Variants in KCNA1 observed in about 807,000 individuals in gnomAD.
KCNA1 encodes the protein potassium channel, voltage gated shaker related subfamily A, member 1.
A neutral mutation model predicts 28.8 loss-of-function variants in KCNA1; 19 were observed. The observed-to-expected ratio is 0.66, with a 90% CI of 0.46 to 0.97. The LOEUF is 0.97. Among genes scored for constraint, KCNA1 ranks in the 50% least tolerant of loss-of-function variants. The probability of loss-of-function intolerance (pLI) is 0.00; values close to 1 mark genes in which losing one functional copy is unlikely to be tolerated. For missense variants in KCNA1, 419 were observed against 659.7 expected (o/e 0.64, Z 4.00); for synonymous variants, 311 against 268.8 (o/e 1.16, Z -1.53).
chr12:4,910,966 T>G lies in KCNA1; in HGVS notation c.-413T>G. 1 of 239,524 alleles carries G rather than the reference T, an allele frequency of 4.2e-6. No individual in the cohort carries two copies. Among genetic ancestry groups the G allele is most frequent in the Non-Finnish European group, 8.2e-6 (1 of 121,700 alleles). 14.8% of individuals were successfully genotyped at this position (239,524 alleles called of 1,614,324 possible). On this transcript the variant is annotated 5_prime_UTR_variant, in exon 2 of 2. Coordinates refer to ENST00000382545, the MANE Select transcript of KCNA1 (RefSeq NM_000217.3). This position sits in a 1 kb window ranked among gnomAD's most constrained non-coding sequence, Gnocchi z 4.9. The stretch of plus-strand genomic sequence containing the variant: ...TCTGCCGAGCCGGCACTGCACCGGG[T>G]CCTAGGAAGGCTCTCGGAGGGGAGG...
rs1318357690 is a variant in KCNA1, at chr12:4,911,972, C to T, written c.594C>T (p.Phe198=). 1.2e-6 allele frequency: 2 copies of T among 1,614,106 alleles called. No individual in the cohort carries two copies. The highest frequency in any genetic ancestry group is 4.5e-5 in the East Asian group (2 of 44,852). Reference sequence around the variant, plus strand: ...CCGAGCTGAAGGATGACAAGGACTTCACGGGCACCGTCCACCGCATCGACA... The same window carrying T: ...CCGAGCTGAAGGATGACAAGGACTTTACGGGCACCGTCCACCGCATCGACA... The part of the protein sequence containing the change: ...TLPELKDDKD[F]TGTVHRIDNT... Residue 198 remains phenylalanine, a synonymous_variant, in exon 2 of 2, where the codon TTC becomes TTT. Coordinates refer to ENST00000382545, the MANE Select transcript of KCNA1 (RefSeq NM_000217.3). This position sits in a 1 kb window ranked among gnomAD's most constrained non-coding sequence, Gnocchi z 6.6.
rs935779883 is a variant in KCNA1 at position 4,911,195 on chromosome 12, G to A, written c.-184G>A. The A allele has an allele frequency of 6.6e-6, 4 of 607,534 alleles. No individual in the cohort carries two copies. In the African/African-American group the frequency reaches 7.4e-5, roughly 11 times the overall value. 37.6% of individuals were successfully genotyped at this position (607,534 alleles called of 1,614,324 possible). A position where few individuals can be genotyped will look rare whatever the true frequency, so the allele number is the denominator to read the frequency against. Reference sequence around the variant, plus strand: ...ACTGAGTGAAAGGCAGGGTGGAGGGGAAGGCAGCGAGAGGCAAAGTCGCAG... The same window carrying A: ...ACTGAGTGAAAGGCAGGGTGGAGGGAAAGGCAGCGAGAGGCAAAGTCGCAG... On this transcript the variant is annotated 5_prime_UTR_variant, in exon 2 of 2. Transcript: ENST00000382545. The surrounding 1 kb of genome is among the most constrained non-coding windows in gnomAD (Gnocchi z 6.6).
Position 4,912,923 on chromosome 12 carries a change from A to C in KCNA1, c.*57A>C. On this transcript the variant is annotated 3_prime_UTR_variant, in exon 2 of 2. Transcript: ENST00000382545. Reference sequence around the variant, plus strand: ...CTTAGCAGCTCAAAAGACTTAAAAAACAAAACAGAAAACCTAGTGACTCAT... The same window carrying C: ...CTTAGCAGCTCAAAAGACTTAAAAACCAAAACAGAAAACCTAGTGACTCAT... The C allele has an allele frequency of 8.2e-7, 1 of 1,215,608 alleles. No homozygotes were observed. The highest frequency in any genetic ancestry group is 1.2e-5 in the South Asian group (1 of 82,610). 75.3% of individuals were successfully genotyped at this position (1,215,608 alleles called of 1,614,324 possible).
At position 4,914,696 on chromosome 12, in the gene KCNA1, G is replaced by A. The variant is rs1019570055; in HGVS notation, c.*1830G>A. 8 of 167,120 alleles carry A rather than the reference G, an allele frequency of 4.8e-5. No individual in the cohort carries two copies. The highest frequency in any genetic ancestry group is 1.9e-4 in the African/African-American group (8 of 41,442). The allele number at this position is 167,120 out of a possible 1,614,324, so 10.4% of individuals were successfully genotyped here. Reference sequence around the variant, plus strand: ...ACACCACCCTAAACCCTGGAGAGGAGAGACCCAGGAGGGTGCTGTCTCTCT... The same window carrying A: ...ACACCACCCTAAACCCTGGAGAGGAAAGACCCAGGAGGGTGCTGTCTCTCT... On this transcript the variant is annotated 3_prime_UTR_variant, in exon 2 of 2. Transcript: ENST00000382545.
In KCNA1 at chr12:4,912,674, C is replaced by A; in HGVS notation, c.1296C>A (p.Ser432=). 1 of 1,612,308 alleles carries A rather than the reference C, an allele frequency of 6.2e-7. No individual in the cohort carries two copies. Among genetic ancestry groups the A allele is most frequent in the Non-Finnish European group, 8.5e-7 (1 of 1,179,854 alleles). Residue 432 remains serine, a synonymous_variant, in exon 2 of 2, where the codon TCC becomes TCA. Coordinates refer to ENST00000382545, the MANE Select transcript of KCNA1 (RefSeq NM_000217.3). ...AGGCTCAGTTGCTCCACGTCAGTTC[C>A]CCTAACTTAGCCTCTGACAGTGACC... is the stretch of plus-strand genomic sequence containing the variant. ...EEQAQLLHVS[S]PNLASDSDLS... is the part of the protein sequence containing the mutation.
At position 4,911,660 on chromosome 12, in the gene KCNA1, C is replaced by T; in HGVS notation, c.282C>T (p.Tyr94=). 6.2e-7 allele frequency: 1 copy of T among 1,614,210 alleles called. No homozygotes were observed. The highest frequency in any genetic ancestry group is 8.5e-7 in the Non-Finnish European group (1 of 1,180,054). Residue 94 remains tyrosine (Y), a synonymous_variant, in exon 2 of 2, where the codon TAC becomes TAT. Coordinates refer to ENST00000382545, the MANE Select transcript of KCNA1 (RefSeq NM_000217.3). This position sits in a 1 kb window ranked among gnomAD's most constrained non-coding sequence, Gnocchi z 6.6. The part of the protein sequence containing the change: ...RNRPSFDAIL[Y]YYQSGGRLRR... ...GGCCCAGCTTCGACGCCATCCTCTA[C>T]TACTACCAGTCCGGCGGCCGCCTGC...
In KCNA1 at chr12:4,912,625, A is replaced by T; in HGVS notation, c.1247A>T (p.His416Leu). The T allele has an allele frequency of 6.2e-7, 1 of 1,613,626 alleles. No homozygotes were observed. ...GTGTCCAATTTCAACTATTTCTACC[A>T]CCGAGAAACTGAGGGGGAAGAGCAG... is the stretch of plus-strand genomic sequence containing the variant. ...VIVSNFNYFY[H>L]RETEGEEQAQ... Residue 416 changes from histidine to leucine, a missense_variant, in exon 2 of 2, where the codon CAC becomes CTC. Coordinates refer to ENST00000382545, the MANE Select transcript of KCNA1 (RefSeq NM_000217.3).
rs759584837 is a variant in KCNA1, at chr12:4,912,515, C to T, written c.1137C>T (p.Tyr379=). 5 of 1,613,610 alleles carry T rather than the reference C, an allele frequency of 3.1e-6. No homozygotes were observed. In the East Asian group the frequency reaches 8.9e-5, roughly 29 times the overall value. ...CCACTGTAGGATACGGTGACATGTA[C>T]CCTGTGACAATTGGAGGCAAGATCG... ...SMTTVGYGDM[Y]PVTIGGKIVG... The change falls in exon 2 of 2, where the codon TAC becomes TAT. Residue 379 remains tyrosine, a synonymous_variant. Coordinates refer to ENST00000382545, the MANE Select transcript of KCNA1 (RefSeq NM_000217.3).
In KCNA1 at chr12:4,911,435, C is replaced by G. The variant is rs1947350782; in HGVS notation, c.57C>G (p.Pro19=). The G allele has an allele frequency of 3.7e-6, 6 of 1,613,682 alleles. No homozygotes were observed. Among genetic ancestry groups the G allele is most frequent in the Non-Finnish European group, 5.1e-6 (6 of 1,179,896 alleles). Residue 19 remains proline (P), a synonymous_variant, in exon 2 of 2, where the codon CCC becomes CCG. Transcript: ENST00000382545. The surrounding 1 kb of genome is among the most constrained non-coding windows in gnomAD (Gnocchi z 6.6). ...AGGCTTCGGCCGCCCCGGGCCACCC[C>G]CAGGATGGCAGCTACCCCCGGCAGG... The part of the protein sequence containing the change: ...VDEASAAPGH[P]QDGSYPRQAD...
rs770664473 is a variant in KCNA1 at position 4,914,370 on chromosome 12, G to A, written c.*1504G>A. The A allele has an allele frequency of 1.4e-4, 24 of 167,028 alleles. No individual in the cohort carries two copies. The highest frequency in any genetic ancestry group is 2.2e-4 in the Non-Finnish European group (15 of 68,116). 10.3% of individuals were successfully genotyped at this position (167,028 alleles called of 1,614,324 possible). On this transcript the variant is annotated 3_prime_UTR_variant, in exon 2 of 2. Transcript: ENST00000382545. ...ATGTTTTTTGGTGCATTCTTAGGAT[G>A]TAAATGAAAATGTTTCTCTATTATA...
Position 4,915,517 on chromosome 12 carries a change from C to A in KCNA1, c.*2651C>A, listed in dbSNP as rs886049524. ...GTGAATCTGTGAGATGAACACAACACACATCGTGGAAGATGAGGGGCCAAG... is the reference window on the plus strand; with the variant it reads ...GTGAATCTGTGAGATGAACACAACAAACATCGTGGAAGATGAGGGGCCAAG... On this transcript the variant is annotated 3_prime_UTR_variant, in exon 2 of 2. Coordinates refer to ENST00000382545, the MANE Select transcript of KCNA1 (RefSeq NM_000217.3). 6.0e-6 allele frequency: 1 copy of A among 167,110 alleles called. No homozygotes were observed. The highest frequency in any genetic ancestry group is 1.5e-5 in the Non-Finnish European group (1 of 68,124). 10.4% of individuals were successfully genotyped at this position (167,110 alleles called of 1,614,324 possible). A position where few individuals can be genotyped will look rare whatever the true frequency, so the allele number is the denominator to read the frequency against.
chr12:4,911,518 G>C lies in KCNA1; in HGVS notation c.140G>C (p.Arg47Pro). 1.9e-6 allele frequency: 3 copies of C among 1,614,178 alleles called. No homozygotes were observed. The highest frequency in any genetic ancestry group is 2.5e-6 in the Non-Finnish European group (3 of 1,180,042). The change falls in exon 2 of 2, where the codon CGC (arginine) becomes CCC (proline). Residue 47 changes from arginine to proline, a missense_variant. Transcript: ENST00000382545. The surrounding 1 kb of genome is among the most constrained non-coding windows in gnomAD (Gnocchi z 6.6). ...ERVVINISGL[R>P]FETQLKTLAQ... ...GTGGTGATCAACATCTCCGGGCTGC[G>C]CTTCGAGACGCAGCTCAAGACCCTG...
rs993512971 is a variant in KCNA1 at position 4,917,955 on chromosome 12, T to C, written c.*5089T>C. 1 of 167,170 alleles carries C rather than the reference T, an allele frequency of 6.0e-6. No individual in the cohort carries two copies. Among genetic ancestry groups the C allele is most frequent in the South Asian group, 2.1e-4 (1 of 4,820 alleles). The allele number at this position is 167,170 out of a possible 1,614,324, so 10.4% of individuals were successfully genotyped here. A position where few individuals can be genotyped will look rare whatever the true frequency, so the allele number is the denominator to read the frequency against. ...GAGGTTAAAAATAAAAATTGAGTAG[T>C]ATTAATTTAAAGTGCACCATCAGGA... On this transcript the variant is annotated 3_prime_UTR_variant, in exon 2 of 2. Transcript: ENST00000382545.
Position 4,911,783 on chromosome 12 carries a change from C to T in KCNA1, c.405C>T (p.Gly135=), listed in dbSNP as rs547910421. ...TGGAGAAGTTCCGGGAGGACGAGGG[C>T]TTCATCAAGGAGGAGGAGCGCCCTC... The part of the protein sequence containing the change: ...EAMEKFREDE[G]FIKEEERPLP... Residue 135 remains glycine, a synonymous_variant, in exon 2 of 2, where the codon GGC becomes GGT. Transcript: ENST00000382545. The surrounding 1 kb of genome is among the most constrained non-coding windows in gnomAD (Gnocchi z 6.6). 107 of 1,614,004 alleles carry T rather than the reference C, an allele frequency of 6.6e-5. No homozygotes were observed. The South Asian group carries it at 1.1e-3, about 16-fold the overall frequency.
In KCNA1 at chr12:4,917,194, T is replaced by C. The variant is rs1235720435; in HGVS notation, c.*4328T>C. On this transcript the variant is annotated 3_prime_UTR_variant, in exon 2 of 2. Transcript: ENST00000382545. ...AGCAAGAATGAAGTCTTTTGATGTTTATGTTCATTTTAAGAAGACAAACAA... is the reference window on the plus strand; with the variant it reads ...AGCAAGAATGAAGTCTTTTGATGTTCATGTTCATTTTAAGAAGACAAACAA... The C allele has an allele frequency of 6.0e-6, 1 of 167,108 alleles. No homozygotes were observed. Among genetic ancestry groups the C allele is most frequent in the Non-Finnish European group, 1.5e-5 (1 of 68,126 alleles). 10.4% of individuals were successfully genotyped at this position (167,108 alleles called of 1,614,324 possible). A position where few individuals can be genotyped will look rare whatever the true frequency, so the allele number is the denominator to read the frequency against.
rs1373603066 is a variant in KCNA1, at chr12:4,912,751, A to G, written c.1373A>G (p.Glu458Gly). The change falls in exon 2 of 2, where the codon GAA (glutamate) becomes GGA (glycine). Residue 458 changes from glutamate (E) to glycine (G), a missense_variant. By Grantham distance (98) the Glu-to-Gly change is moderately conservative. Coordinates refer to ENST00000382545, the MANE Select transcript of KCNA1 (RefSeq NM_000217.3). ...TMSKSEYMEI[E>G]EDMNNSIAHY... ...AGCAAGTCTGAGTACATGGAGATCG[A>G]AGAGGATATGAATAATAGCATAGCC... 1.2e-6 allele frequency: 2 copies of G among 1,614,050 alleles called. No homozygotes were observed. The highest frequency in any genetic ancestry group is 1.6e-4 in the Middle Eastern group (1 of 6,062).
In KCNA1 at chr12:4,916,147, C is replaced by T. The variant is rs1947384815; in HGVS notation, c.*3281C>T. 2 of 167,052 alleles carry T rather than the reference C, an allele frequency of 1.2e-5. No individual in the cohort carries two copies. The highest frequency in any genetic ancestry group is 1.3e-4 in the Admixed American group (2 of 15,282). 10.3% of individuals were successfully genotyped at this position (167,052 alleles called of 1,614,324 possible). Reference sequence around the variant, plus strand: ...CCTGAAGGTGCACTTAACAAAACTGCCTATTAAGGGATGACTATTTTTTGG... The same window carrying T: ...CCTGAAGGTGCACTTAACAAAACTGTCTATTAAGGGATGACTATTTTTTGG... On this transcript the variant is annotated 3_prime_UTR_variant, in exon 2 of 2. Transcript: ENST00000382545.
In KCNA1 at chr12:4,911,447, C is replaced by CT; in HGVS notation, c.70dup (p.Tyr24LeufsTer44). On this transcript the variant is annotated frameshift_variant, in exon 2 of 2. Coordinates refer to ENST00000382545, the MANE Select transcript of KCNA1 (RefSeq NM_000217.3). LOFTEE classifies it high-confidence loss of function. This position sits in a 1 kb window ranked among gnomAD's most constrained non-coding sequence, Gnocchi z 6.6. ...CCCCGGGCCACCCCCAGGATGGCAGCTACCCCCGGCAGGCCGACCACGACG... is the reference window on the plus strand; with the variant it reads ...CCCCGGGCCACCCCCAGGATGGCAGCTTACCCCCGGCAGGCCGACCACGACG... 6.2e-7 allele frequency: 1 copy of CT among 1,613,804 alleles called. No homozygotes were observed. Among genetic ancestry groups the CT allele is most frequent in the Non-Finnish European group, 8.5e-7 (1 of 1,179,946 alleles).
In KCNA1 at chr12:4,912,099, T is replaced by A; in HGVS notation, c.721T>A (p.Phe241Ile). ...WFSFELVVRF[F>I]ACPSKTDFFK... is the part of the protein sequence containing the mutation. ...CTCCTTCGAGCTGGTGGTGCGCTTCTTCGCCTGCCCCAGCAAGACGGACTT... is the reference window on the plus strand; with the variant it reads ...CTCCTTCGAGCTGGTGGTGCGCTTCATCGCCTGCCCCAGCAAGACGGACTT... Residue 241 changes from phenylalanine (F) to isoleucine (I), a missense_variant, in exon 2 of 2, where the codon TTC becomes ATC. Transcript: ENST00000382545. 1 of 1,614,160 alleles carries A rather than the reference T, an allele frequency of 6.2e-7. No individual in the cohort carries two copies. The highest frequency in any genetic ancestry group is 8.5e-7 in the Non-Finnish European group (1 of 1,180,038).
Sources: gnomAD v4.1 joint callset for allele counts on GRCh38, gnomAD v4.1.1 for gene constraint, Gnocchi (gnomAD v3.1) non-coding constraint, MANE v1.5 for transcripts, NCBI Gene and HGNC (gene_info 2026-07-23, HGNC 2026-07-21) for gene names.